Variants in KIAA0825 observed in about 807,000 individuals in gnomAD.
The protein encoded by KIAA0825 is uncharacterized protein KIAA0825.
A neutral mutation model predicts 147.6 loss-of-function variants in KIAA0825; 119 were observed. That is an observed-to-expected ratio of 0.81 (90% CI 0.69 to 0.94). The LOEUF is 0.94. Among genes scored for constraint, KIAA0825 ranks in the 40% least tolerant of loss-of-function variants. The pLI, the probability that KIAA0825 is intolerant of heterozygous loss-of-function variation, is 0.00. For missense variants in KIAA0825, 1,381 were observed against 1,472.7 expected, an observed-to-expected ratio of 0.94 and a Z score of 1.02; for synonymous variants, 470 against 518.1, an observed-to-expected ratio of 0.91 and a Z score of 1.26.
intron 1 of KIAA0825, among the ~76,000 whole-genome samples, chr5:94,586,075 C>G (rs924868763): frequency 6.6e-6 from 1 of 152,062 alleles, no homozygotes; most frequent in Non-Finnish European, 1.5e-5. Flanking sequence ...TAAATGCCCA[C>G]AAGAGAAAGC....
intron 2 of KIAA0825, among the ~76,000 whole-genome samples, chr5:94,556,281 T>C (rs1228288057): frequency 1.3e-5 from 2 of 151,916 alleles, no homozygotes; most frequent in African/African-American, 2.4e-5. Context: ...GGTTTCACCA[T>C]GTTGGCCAGG....
chr5:94,307,931 T>A (rs1199583244), intron 20 of KIAA0825, among the ~76,000 whole-genome samples: 2 of 151,774 alleles, frequency 1.3e-5, no homozygotes, highest in African/African-American at 4.8e-5. Context: ...AGGAAATATT[T>A]ATTGGTTGGT....
intron 20 of KIAA0825, among the ~76,000 whole-genome samples, chr5:94,162,785 T>C (rs1362173022): frequency 6.6e-6 from 1 of 152,222 alleles, no homozygotes; most frequent in East Asian, 1.9e-4. Context: ...ATATTTCAAA[T>C]AACTAATAGT....
At position 94,595,366 on chromosome 5, in the gene KIAA0825, G is replaced by A. The variant is rs1785095336; in HGVS notation, c.-152-12783C>T. ...AACCATGTGTCAGCTGCAAAGGCTT[G>A]GGGAATTGCACCCTCTGAAGCAACG... On this transcript the variant is annotated intron_variant, in intron 1 of 20. Coordinates refer to ENST00000682413, the MANE Select transcript of KIAA0825 (RefSeq NM_001145678.3). 2.0e-5 allele frequency among the ~76,000 whole-genome samples: 3 copies of A among 152,160 alleles called. No individual in the cohort carries two copies. The South Asian group carries it at 6.2e-4, about 32-fold the overall frequency.
At chr5:94,388,872 C>G (rs1000491755) in intron 18 of KIAA0825, among the ~76,000 whole-genome samples, 2 of 152,188 alleles carry the variant, frequency 1.3e-5, no homozygotes, top group Non-Finnish European at 2.9e-5. Flanking sequence ...GCTTATTCCT[C>G]TATTCATCAT....
chr5:94,335,321 GTCT>G (rs1324619920), intron 20 of KIAA0825, among the ~76,000 whole-genome samples: 10 of 151,934 alleles, frequency 6.6e-5, no homozygotes, highest in Non-Finnish European at 1.2e-4. Flanking sequence ...CATGCTATAT[GTCT>G]TCATTTATTA....
At chr5:94,385,717 T>C (rs1749047316) in intron 19 of KIAA0825, among the ~76,000 whole-genome samples, 1 of 152,208 alleles carries the variant, frequency 6.6e-6, no homozygotes, top group African/African-American at 2.4e-5. Flanking sequence ...TTATTCCAAA[T>C]AGACCGGCTT....
chr5:94,509,366 C>T (rs1766166956), intron 5 of KIAA0825, among the ~76,000 whole-genome samples: 1 of 152,128 alleles, frequency 6.6e-6, no homozygotes. Context: ...ACTAAATTTC[C>T]TATTTAGTAG....
intron 20 of KIAA0825, among the ~76,000 whole-genome samples, chr5:94,271,951 T>G (rs542575923): frequency 1.3e-5 from 2 of 152,176 alleles, no homozygotes; most frequent in South Asian, 2.1e-4. Flanking sequence ...AAAGGAAATA[T>G]GGTGCATATA....
chr5:94,208,186 C>G (rs1041173654), intron 20 of KIAA0825, among the ~76,000 whole-genome samples: 1 of 151,918 alleles, frequency 6.6e-6, no homozygotes, highest in African/African-American at 2.4e-5. Context: ...AAATATAAAG[C>G]AGAATAGTAT....
intron 20 of KIAA0825, among the ~76,000 whole-genome samples, chr5:94,201,988 G>C (rs985427467): frequency 2.0e-5 from 3 of 152,152 alleles, no homozygotes; most frequent in Admixed American, 2.0e-4. Context: ...ACGTCACTTG[G>C]GGGATGATGG....
intron 20 of KIAA0825, among the ~76,000 whole-genome samples, chr5:94,337,012 T>C (rs1282849010): frequency 1.3e-5 from 2 of 152,186 alleles, no homozygotes; most frequent in Non-Finnish European, 2.9e-5. Context: ...CTACTTAAAC[T>C]GATACATGTG....
chr5:94,328,688 CATT>C (rs1780952227), intron 20 of KIAA0825, among the ~76,000 whole-genome samples: 1 of 151,692 alleles, frequency 6.6e-6, no homozygotes, highest in African/African-American at 2.4e-5. Flanking sequence ...AAAATAATGG[CATT>C]TAGTCAAATA....
At chr5:94,218,901 A>G (rs1307742838) in intron 20 of KIAA0825, among the ~76,000 whole-genome samples, 1 of 152,050 alleles carries the variant, frequency 6.6e-6, no homozygotes, top group East Asian at 1.9e-4. Context: ...GTTCCTTCCT[A>G]TGACATTTAC....
intron 20 of KIAA0825, among the ~76,000 whole-genome samples, chr5:94,226,383 G>A (rs1774168094): frequency 6.6e-6 from 1 of 152,124 alleles, no homozygotes; most frequent in Non-Finnish European, 1.5e-5. Flanking sequence ...TGGAGAGGAT[G>A]TGGAGGAATA....
In KIAA0825 at chr5:94,473,370, C is replaced by A; in HGVS notation, c.1377G>T (p.Met459Ile). ...NERSSAVSYA[M>I]NLVNVQQVWQ... ...AAACTTGCTGGACATTTACAAGGTT[C>A]ATAGCATAGCTCACAGCTGAAGACC... The change falls in exon 8 of 21, where the codon ATG becomes ATT. Residue 459 changes from methionine (M) to isoleucine (I), a missense_variant. Coordinates refer to ENST00000682413, the MANE Select transcript of KIAA0825 (RefSeq NM_001145678.3). 1 of 1,551,928 alleles carries A rather than the reference C, an allele frequency of 6.4e-7. No homozygotes were observed. The highest frequency in any genetic ancestry group is 2.4e-5 in the East Asian group (1 of 40,916).
intron 10 of KIAA0825, among the ~76,000 whole-genome samples, chr5:94,468,619 G>A (rs1052852059): frequency 6.6e-6 from 1 of 152,158 alleles, no homozygotes; most frequent in Non-Finnish European, 1.5e-5. Flanking sequence ...GCCTCTAAAG[G>A]AGAGATGAAA....
At chr5:94,543,385 G>A (rs528963060) in intron 2 of KIAA0825, among the ~76,000 whole-genome samples, 11 of 152,322 alleles carry the variant, frequency 7.2e-5, no homozygotes, top group Admixed American at 7.2e-4. Context: ...AGAGGTTGCA[G>A]TGAGCTGAGA....
At chr5:94,506,504 G>T (rs545105558) in intron 5 of KIAA0825, among the ~76,000 whole-genome samples, 6 of 152,202 alleles carry the variant, frequency 3.9e-5, no homozygotes, top group Middle Eastern at 3.4e-3. Context: ...GAATATGGAA[G>T]TTTTTCACTT....
Sources: allele counts gnomAD v4.1 joint callset (sites outside exome capture counted in the v4.1 genomes callset), GRCh38; gene constraint gnomAD v4.1.1; transcripts MANE v1.5; gene names NCBI Gene and HGNC (gene_info 2026-07-23, HGNC 2026-07-21).